The following ITFG1 variants were observed in gnomAD, a reference collection of about 807,000 sequenced individuals.
ITFG1 encodes the protein T-cell immunomodulatory protein.
Under a neutral mutation model 81.8 loss-of-function variants are expected in ITFG1, and 34 were observed. That is an observed-to-expected ratio of 0.42 (90% CI 0.32 to 0.55). The LOEUF (loss-of-function observed/expected upper bound fraction) is 0.55, where lower values mean the gene tolerates loss of function less well. Among genes scored for constraint, ITFG1 ranks in the 20% least tolerant of loss-of-function variants. ITFG1 has a pLI of 0.17. For synonymous variants in ITFG1, 285 were observed against 270.6 expected (o/e 1.05, Z -0.52); for missense variants, 672 against 755.4 (o/e 0.89, Z 1.29).
intron 6 of ITFG1, among the ~76,000 whole-genome samples, chr16:47,381,319 T>C (rs558007043): frequency 2.0e-5 from 3 of 152,226 alleles, no homozygotes; most frequent in African/African-American, 4.8e-5. Context: ...AGGCACTATA[T>C]CCTTCAGTGT....
chr16:47,235,219 T>C (rs919085701), intron 13 of ITFG1, among the ~76,000 whole-genome samples: 1 of 152,128 alleles, frequency 6.6e-6, no homozygotes, highest in African/African-American at 2.4e-5. Context: ...GGGTTGAAAT[T>C]TTCCCAGGCA....
At chr16:47,242,088 G>C (rs1965942252) in intron 12 of ITFG1, among the ~76,000 whole-genome samples, 1 of 152,028 alleles carries the variant, frequency 6.6e-6, no homozygotes, top group African/African-American at 2.4e-5. Flanking sequence ...CCATTAAATT[G>C]TATACTTCAA....
intron 14 of ITFG1, among the ~76,000 whole-genome samples, chr16:47,172,959 T>G (rs1228133627): frequency 6.6e-6 from 1 of 152,156 alleles, no homozygotes; most frequent in East Asian, 1.9e-4. Flanking sequence ...CTCTGTAACC[T>G]CCCTCTTTCA....
At chr16:47,182,194 C>CA (rs998461467) in intron 14 of ITFG1, among the ~76,000 whole-genome samples, 74 of 139,706 alleles carry the variant, frequency 5.3e-4, no homozygotes, top group South Asian at 1.4e-3. Flanking sequence ...AAAAAAAAAA[C>CA]AAAAAAACAG....
At chr16:47,391,993 C>T (rs941904444) in intron 6 of ITFG1, among the ~76,000 whole-genome samples, 1 of 152,034 alleles carries the variant, frequency 6.6e-6, no homozygotes, top group Non-Finnish European at 1.5e-5. Flanking sequence ...AACTTTTGCT[C>T]CTTTATTTTT....
At chr16:47,429,426 G>A (rs954393646) in intron 5 of ITFG1, among the ~76,000 whole-genome samples, 1 of 152,180 alleles carries the variant, frequency 6.6e-6, no homozygotes, top group Non-Finnish European at 1.5e-5. Context: ...GTGGACATAT[G>A]TCTTTAATTC....
rs190676591 is a variant in ITFG1 at position 47,410,696 on chromosome 16, G to A, written c.655+18108C>T. Among the ~76,000 whole-genome samples the A allele has an allele frequency of 2.0e-3, 306 of 152,166 alleles. 4 individuals carry two copies. Among genetic ancestry groups the A allele is most frequent in the Non-Finnish European group, 1.9e-4 (13 of 67,998 alleles). On this transcript the variant is annotated intron_variant, in intron 6 of 17. Coordinates refer to ENST00000320640, the MANE Select transcript of ITFG1 (RefSeq NM_030790.5). The stretch of plus-strand genomic sequence containing the variant: ...GAGTGAAGGAACTGTGGCACAGCCC[G>A]CTCTCAACACGAACCTCTCGGATCT...
intron 6 of ITFG1, among the ~76,000 whole-genome samples, chr16:47,413,535 A>C (rs1378754982): frequency 6.6e-6 from 1 of 152,066 alleles, no homozygotes; most frequent in Non-Finnish European, 1.5e-5. Context: ...TCTCTATAAA[A>C]CGTTTAAAAA....
intron 1 of ITFG1, 122 bp from the exon 2 acceptor site, chr16:47,459,297 T>A (rs1384475427): frequency 3.0e-6 from 2 of 657,254 alleles, no homozygotes; most frequent in East Asian, 2.7e-5. Flanking sequence ...CTCCAGTTCA[T>A]CTGCCCTCTC....
chr16:47,321,551 G>T (rs1967448657), intron 8 of ITFG1, among the ~76,000 whole-genome samples: 1 of 152,138 alleles, frequency 6.6e-6, no homozygotes, highest in Admixed American at 6.5e-5. Flanking sequence ...ACAGAATGGG[G>T]CATGGTGGTA....
chr16:47,357,050 A>G (rs1567472775), intron 8 of ITFG1, among the ~76,000 whole-genome samples: 2 of 152,174 alleles, frequency 1.3e-5, no homozygotes, highest in African/African-American at 4.8e-5. Flanking sequence ...ATAAAAAAAA[A>G]AAAGAAAGAG....
chr16:47,177,068 T>C lies in ITFG1; in HGVS notation c.1454-14404A>G, dbSNP rs572422132. ...TTGAACTCCTAGGCTCAAGTGATCC[T>C]CTGGCCTCATCCTCCAGAGTAGCTG... is the stretch of plus-strand genomic sequence containing the variant. On this transcript the variant is annotated intron_variant, in intron 14 of 17. Transcript: ENST00000320640. 7.2e-5 allele frequency among the ~76,000 whole-genome samples: 11 copies of C among 151,966 alleles called. No individual in the cohort carries two copies. In the East Asian group the frequency reaches 1.9e-3, roughly 27 times the overall value.
At chr16:47,394,145 A>G (rs1968566530) in intron 6 of ITFG1, among the ~76,000 whole-genome samples, 1 of 152,190 alleles carries the variant, frequency 6.6e-6, no homozygotes, top group Non-Finnish European at 1.5e-5. Context: ...TCATTGCATT[A>G]TATTTTTAAT....
rs544943460 is a variant in ITFG1 at position 47,207,968 on chromosome 16, T to G, written c.1453+10900A>C. Among the ~76,000 whole-genome samples the G allele has an allele frequency of 4.6e-5, 7 of 152,318 alleles. No homozygotes were observed. The East Asian group carries it at 1.3e-3, about 29-fold the overall frequency. ...CCAGGCATTGTATAAGCCCTTAGTA[T>G]GCATTATCTCATAATTATTGTCACC... On this transcript the variant is annotated intron_variant, in intron 14 of 17. Transcript: ENST00000320640.
Position 47,444,952 on chromosome 16 carries a change from T to C in ITFG1, c.560+6444A>G, listed in dbSNP as rs149301630. On this transcript the variant is annotated intron_variant, in intron 5 of 17. Transcript: ENST00000320640. The stretch of plus-strand genomic sequence containing the variant: ...AAGGGTCTCTCTCAACAATAATGGA[T>C]TTTTTGACAATACTCACGTAATGAA... Among the ~76,000 whole-genome samples, 1,132 of 152,086 alleles carry C rather than the reference T, an allele frequency of 7.4e-3. 19 individuals are homozygous for C. The highest frequency in any genetic ancestry group is 0.026 in the African/African-American group (1,074 of 41,480).
rs576921154 is a variant in ITFG1, at chr16:47,250,255, T to C, written c.1330+8377A>G. Among the ~76,000 whole-genome samples the C allele has an allele frequency of 9.9e-5, 15 of 152,192 alleles. No homozygotes were observed. In the South Asian group the frequency reaches 2.9e-3, roughly 29 times the overall value. On this transcript the variant is annotated intron_variant, in intron 12 of 17. Transcript: ENST00000320640. ...TATTTTATTAAATTGTAAAATCATA[T>C]GCTCTTTGTAAAAAAATACAGAAAC...
intron 5 of ITFG1, among the ~76,000 whole-genome samples, chr16:47,447,947 G>T (rs993769755): frequency 2.0e-5 from 3 of 152,148 alleles, no homozygotes; most frequent in Non-Finnish European, 2.9e-5. Context: ...GATTTTAATA[G>T]ATTCCTTTTA....
At chr16:47,366,114 C>A (rs1038423596) in intron 7 of ITFG1, among the ~76,000 whole-genome samples, 2 of 152,144 alleles carry the variant, frequency 1.3e-5, no homozygotes, top group Admixed American at 6.5e-5. Context: ...TTTACCAAAT[C>A]ATCACCATAA....
chr16:47,243,915 T>C (rs1488917357), intron 12 of ITFG1, among the ~76,000 whole-genome samples: 2 of 152,048 alleles, frequency 1.3e-5, no homozygotes, highest in African/African-American at 4.8e-5. Flanking sequence ...CCTGTAATCC[T>C]AGCTACTCGG....
Sources: gnomAD v4.1 joint callset for allele counts (sites outside exome capture counted in the v4.1 genomes callset) on GRCh38, gnomAD v4.1.1 for gene constraint, MANE v1.5 for transcripts, NCBI Gene and HGNC (gene_info 2026-07-23, HGNC 2026-07-21) for gene names.